Variants in LARS2 observed in about 807,000 individuals in gnomAD.
LARS2 encodes the protein leucine--tRNA ligase, mitochondrial.
In LARS2, 81 loss-of-function variants were observed where a neutral mutation model predicts 116.6. That is an observed-to-expected ratio of 0.69 (90% CI 0.58 to 0.84). The LOEUF is 0.84. Among genes scored for constraint, LARS2 ranks in the 40% least tolerant of loss-of-function variants. The pLI is 0.00. For synonymous variants in LARS2, 396 were observed against 407.2 expected, an observed-to-expected ratio of 0.97 and a Z score of 0.33; for missense variants, 968 against 1,114.5, an observed-to-expected ratio of 0.87 and a Z score of 1.87.
At chr3:45,545,121 C>T (rs1209953569) in intron 21 of LARS2, among the ~76,000 whole-genome samples, 1 of 152,230 alleles carries the variant, frequency 6.6e-6, no homozygotes, top group Non-Finnish European at 1.5e-5. Context: ...GCCTCAGCTT[C>T]CCTATCTGTA....
chr3:45,477,228 T>C (rs1699630769), intron 10 of LARS2, among the ~76,000 whole-genome samples: 1 of 152,214 alleles, frequency 6.6e-6, no homozygotes, highest in Non-Finnish European at 1.5e-5. Context: ...ACAGATTCCA[T>C]CTCTGACTAA....
chr3:45,464,361 A>AG (rs1467759300), intron 8 of LARS2, among the ~76,000 whole-genome samples: 8 of 145,656 alleles, frequency 5.5e-5, no homozygotes, highest in Admixed American at 5.4e-4. Context: ...GAAGACCGTT[A>AG]GGGGGACCTT....
chr3:45,401,980 C>G (rs1378067800), intron 4 of LARS2, among the ~76,000 whole-genome samples: 1 of 152,152 alleles, frequency 6.6e-6, no homozygotes, highest in East Asian at 1.9e-4. Context: ...GTTGGATAAT[C>G]ATAATATCTT....
chr3:45,417,609 C>T, intron 5 of LARS2, 36 bp downstream of exon 5: 2 of 1,522,208 alleles, frequency 1.3e-6, no homozygotes, highest in South Asian at 1.1e-5. Context: ...TACTTGCATA[C>T]AAAAACCTTT....
At chr3:45,458,700 A>C in intron 7 of LARS2, 43 bp from the exon 8 acceptor site, 3 of 1,581,284 alleles carry the variant, frequency 1.9e-6, no homozygotes, top group Non-Finnish European at 8.6e-7. Flanking sequence ...AAAAAAAAAG[A>C]GTACTCACCA....
chr3:45,443,660 G>A (rs550780043), intron 6 of LARS2, among the ~76,000 whole-genome samples: 29 of 152,116 alleles, frequency 1.9e-4, no homozygotes, highest in African/African-American at 2.9e-4. Flanking sequence ...GGTGAGTCAC[G>A]CATTTCAGTA....
chr3:45,424,335 G>A lies in LARS2; in HGVS notation c.516+4606G>A, dbSNP rs1168301162. On this transcript the variant is annotated intron_variant, in intron 6 of 21. Coordinates refer to ENST00000645846, the MANE Select transcript of LARS2 (RefSeq NM_015340.4). ...AACACCTATATTGGCCTACAGTTGG[G>A]CAAAATCATCTAACACAAAACCTAT... 2.6e-5 allele frequency among the ~76,000 whole-genome samples: 4 copies of A among 152,122 alleles called. No individual in the cohort carries two copies. In the East Asian group the frequency reaches 5.8e-4, roughly 22 times the overall value.
intron 14 of LARS2, among the ~76,000 whole-genome samples, chr3:45,500,187 A>C: frequency 6.6e-6 from 1 of 152,120 alleles, no homozygotes. Context: ...TTTTTAGTAG[A>C]GATGGGGTTT....
intron 6 of LARS2, among the ~76,000 whole-genome samples, chr3:45,428,956 G>C (rs570606122): frequency 1.3e-5 from 2 of 152,160 alleles, no homozygotes; most frequent in South Asian, 4.2e-4. Context: ...ATTCCTATCT[G>C]AGTAAGTAGG....
At chr3:45,490,101 G>A (rs914172009) in intron 12 of LARS2, among the ~76,000 whole-genome samples, 2 of 152,112 alleles carry the variant, frequency 1.3e-5, no homozygotes, top group African/African-American at 4.8e-5. Flanking sequence ...CATGTTTGTG[G>A]CTTTACTTCA....
At chr3:45,501,165 A>T (rs1204484827) in intron 15 of LARS2, among the ~76,000 whole-genome samples, 1 of 142,990 alleles carries the variant, frequency 7.0e-6, no homozygotes, top group East Asian at 2.1e-4. Flanking sequence ...TAAATATGGA[A>T]TTTTTATATA....
intron 10 of LARS2, among the ~76,000 whole-genome samples, chr3:45,478,871 A>G (rs1329731188): frequency 6.6e-6 from 1 of 152,216 alleles, no homozygotes; most frequent in Non-Finnish European, 1.5e-5. Flanking sequence ...CAATGTTCCC[A>G]AAAGATGAAT....
At chr3:45,430,319 C>T (rs1330453232) in intron 6 of LARS2, among the ~76,000 whole-genome samples, 2 of 146,952 alleles carry the variant, frequency 1.4e-5, no homozygotes, top group African/African-American at 5.1e-5. Flanking sequence ...GGCTCTGTCG[C>T]CCAGGCTGGA....
At chr3:45,459,856 T>A (rs768593835) in intron 8 of LARS2, among the ~76,000 whole-genome samples, 2 of 152,226 alleles carry the variant, frequency 1.3e-5, no homozygotes, top group African/African-American at 2.4e-5. Flanking sequence ...CATGAAGGAC[T>A]ACTTATGGCA....
chr3:45,484,630 A>AAATATATATATATATATATGTAT (rs1553634443), intron 10 of LARS2, among the ~76,000 whole-genome samples: 1 of 9,746 alleles, frequency 1.0e-4, no homozygotes, highest in Non-Finnish European at 3.2e-4. Flanking sequence ...AAAAAAAAAA[A>AAATATATATATATATATATGTAT]ATATATATAT....
rs36044906 is a variant in LARS2 at position 45,484,649 on chromosome 3, T to TATATATATATATATATATA, written c.1019-1043_1019-1042insATATATATATATATATATA. ...AAAAAAAATATATATATATATATAT[T>TATATATATATATATATATA]TAAAATAAGATGTTATTTTAAATAA... On this transcript the variant is annotated intron_variant, in intron 10 of 21. Transcript: ENST00000645846. 9.3e-4 allele frequency among the ~76,000 whole-genome samples: 35 copies of TATATATATATATATATATA among 37,454 alleles called. 1 individual carries two copies. The highest frequency in any genetic ancestry group is 4.2e-3 in the East Asian group (4 of 942). 24.6% of individuals were successfully genotyped at this position (37,454 alleles called of 152,430 possible).
chr3:45,544,498 C>T (rs188911890), intron 21 of LARS2, among the ~76,000 whole-genome samples: 51 of 152,266 alleles, frequency 3.3e-4, no homozygotes, highest in African/African-American at 1.2e-3. Flanking sequence ...CCTCTTAATA[C>T]AGAGTGAGCG....
At chr3:45,440,405 CTCCTCTGTT>C (rs1396666041) in intron 6 of LARS2, among the ~76,000 whole-genome samples, 1 of 152,170 alleles carries the variant, frequency 6.6e-6, no homozygotes, top group Admixed American at 6.5e-5. Flanking sequence ...GTGAACAACT[CTCCTCTGTT>C]TCCAAGACTC....
chr3:45,409,387 T>C (rs533715612), intron 4 of LARS2, among the ~76,000 whole-genome samples: 107 of 152,264 alleles, frequency 7.0e-4, no homozygotes, highest in African/African-American at 2.2e-3. Context: ...ATCTTGGCCA[T>C]AGAGAAATCA....
Sources: allele counts gnomAD v4.1 joint callset (sites outside exome capture counted in the v4.1 genomes callset), GRCh38; gene constraint gnomAD v4.1.1; transcripts MANE v1.5; gene names NCBI Gene and HGNC (gene_info 2026-07-23, HGNC 2026-07-21).